ARHGAP15: variants seen among roughly 807,000 people sequenced by gnomAD.
ARHGAP15 encodes rho GTPase-activating protein 15.
In ARHGAP15, 51 loss-of-function variants were observed where a neutral mutation model predicts 63.7. The observed-to-expected ratio is 0.80, with a 90% confidence interval of 0.64 to 1.01. ARHGAP15 has a LOEUF of 1.01. Ranked by LOEUF, ARHGAP15 falls within the 50% of genes least tolerant of loss-of-function variation. The pLI is 0.00. For missense variants in ARHGAP15, 560 were observed against 564.6 expected (o/e 0.99, Z 0.08); for synonymous variants, 191 against 193.8 (o/e 0.99, Z 0.12).
chr2:143,552,185 A>G (rs1017489724), intron 10 of ARHGAP15, among the ~76,000 whole-genome samples: 5 of 152,180 alleles, frequency 3.3e-5, no homozygotes, highest in Admixed American at 6.6e-5. Context: ...CCCAGCCCAC[A>G]TTTGCAGACT....
At chr2:143,565,394 C>T (rs1366251335) in intron 11 of ARHGAP15, among the ~76,000 whole-genome samples, 1 of 152,080 alleles carries the variant, frequency 6.6e-6, no homozygotes, top group Non-Finnish European at 1.5e-5. Flanking sequence ...AAACTTGATT[C>T]ATTTTTGAAT....
At chr2:143,141,832 A>G (rs962421180) in intron 1 of ARHGAP15, among the ~76,000 whole-genome samples, 1 of 152,124 alleles carries the variant, frequency 6.6e-6, no homozygotes, top group South Asian at 2.1e-4. Context: ...CATTCAACCC[A>G]TACATCAGAG....
At chr2:143,762,760 A>G (rs916843779) in intron 13 of ARHGAP15, among the ~76,000 whole-genome samples, 1 of 152,156 alleles carries the variant, frequency 6.6e-6, no homozygotes, top group East Asian at 1.9e-4. Flanking sequence ...CATTGTGAAT[A>G]TCCAAGAAGA....
chr2:143,519,681 C>T (rs1168027956), intron 10 of ARHGAP15, among the ~76,000 whole-genome samples: 1 of 152,118 alleles, frequency 6.6e-6, no homozygotes, highest in Non-Finnish European at 1.5e-5. Context: ...GTGTTAGAAC[C>T]TTCCTAACAT....
chr2:143,139,837 A>T (rs1387949512), intron 1 of ARHGAP15, among the ~76,000 whole-genome samples: 1 of 152,190 alleles, frequency 6.6e-6, no homozygotes, highest in Non-Finnish European at 1.5e-5. Flanking sequence ...CAGAAAAAAT[A>T]AAACTCAACT....
intron 11 of ARHGAP15, among the ~76,000 whole-genome samples, chr2:143,612,043 G>GA (rs1674799752): frequency 6.6e-6 from 1 of 152,122 alleles, no homozygotes; most frequent in Non-Finnish European, 1.5e-5. Flanking sequence ...ATTTCCTACA[G>GA]ATTTATCTTC....
intron 13 of ARHGAP15, among the ~76,000 whole-genome samples, chr2:143,709,638 T>C (rs1249881012): frequency 7.2e-6 from 1 of 139,522 alleles, no homozygotes; most frequent in African/African-American, 2.7e-5. Context: ...CAGAAACTGT[T>C]GAGCTGGGGC....
rs938780987 is a variant in ARHGAP15, at chr2:143,288,445, GA to G, written c.474+37853del. On this transcript the variant is annotated intron_variant, in intron 6 of 13. Coordinates refer to ENST00000295095, the MANE Select transcript of ARHGAP15 (RefSeq NM_018460.4). Reference sequence around the variant, plus strand: ...CTTGAGATTTACTTGATTCAAACTTGAAAAAAAATAGTGTTGCACAATTTTT... The same window carrying G: ...CTTGAGATTTACTTGATTCAAACTTGAAAAAAATAGTGTTGCACAATTTTT... Among the ~76,000 whole-genome samples, 519 of 151,622 alleles carry G rather than the reference GA, an allele frequency of 3.4e-3. 4 individuals carry two copies. Among genetic ancestry groups the G allele is most frequent in the African/African-American group, 0.012 (487 of 41,328 alleles).
At chr2:143,708,759 G>C (rs567551400) in intron 13 of ARHGAP15, among the ~76,000 whole-genome samples, 2 of 152,106 alleles carry the variant, frequency 1.3e-5, no homozygotes, top group African/African-American at 4.8e-5. Flanking sequence ...TCTGTTAGAA[G>C]AGTCTCCCTA....
intron 11 of ARHGAP15, among the ~76,000 whole-genome samples, chr2:143,611,879 A>G (rs1211714271): frequency 6.6e-6 from 1 of 152,128 alleles, no homozygotes; most frequent in African/African-American, 2.4e-5. Flanking sequence ...TACCACCCCT[A>G]TGTTCATTAA....
intron 8 of ARHGAP15, among the ~76,000 whole-genome samples, chr2:143,455,078 C>G (rs542484696): frequency 1.3e-5 from 2 of 151,894 alleles, no homozygotes; most frequent in South Asian, 4.1e-4. Context: ...CAGAGTAAAG[C>G]AAAAGCAAGA....
intron 13 of ARHGAP15, among the ~76,000 whole-genome samples, chr2:143,758,565 C>T (rs74329314): frequency 5.7e-4 from 87 of 152,226 alleles, no homozygotes; most frequent in East Asian, 3.9e-3. Context: ...AGGAAACACA[C>T]GACTGCTTGT....
At chr2:143,134,607 A>C (rs1042933453) in intron 1 of ARHGAP15, among the ~76,000 whole-genome samples, 1 of 151,576 alleles carries the variant, frequency 6.6e-6, no homozygotes, top group African/African-American at 2.4e-5. Context: ...TAGAGATAGC[A>C]TATATGAAAT....
At chr2:143,397,325 T>C (rs1474776303) in intron 6 of ARHGAP15, among the ~76,000 whole-genome samples, 3 of 148,006 alleles carry the variant, frequency 2.0e-5, no homozygotes, top group Non-Finnish European at 3.0e-5. Context: ...TATGTGTGTG[T>C]GTGTGTGTGT....
intron 12 of ARHGAP15, among the ~76,000 whole-genome samples, chr2:143,700,158 A>G (rs1027971421): frequency 3.3e-5 from 5 of 152,194 alleles, no homozygotes; most frequent in African/African-American, 9.6e-5. Flanking sequence ...TGTAAGTAGA[A>G]TATTCTAAAT....
At chr2:143,392,082 C>T (rs190905486) in intron 6 of ARHGAP15, among the ~76,000 whole-genome samples, 2 of 152,302 alleles carry the variant, frequency 1.3e-5, no homozygotes, top group Admixed American at 1.3e-4. Flanking sequence ...CCCACAGAAA[C>T]TTATCATGCT....
chr2:143,199,969 AC>A (rs1476322292), intron 2 of ARHGAP15, among the ~76,000 whole-genome samples: 2 of 152,134 alleles, frequency 1.3e-5, no homozygotes, highest in African/African-American at 4.8e-5. Context: ...CACTTTCCCT[AC>A]CACGTCCAAT....
chr2:143,359,843 A>T (rs568869455), intron 6 of ARHGAP15, among the ~76,000 whole-genome samples: 10 of 152,322 alleles, frequency 6.6e-5, no homozygotes, highest in African/African-American at 2.4e-4. Context: ...TAATGTTTTC[A>T]TGATTTCGGT....
At chr2:143,598,992 G>C (rs528457944) in intron 11 of ARHGAP15, among the ~76,000 whole-genome samples, 1 of 151,536 alleles carries the variant, frequency 6.6e-6, no homozygotes. Context: ...TATGCAACTT[G>C]TCTGTGGGAG....
Sources: gnomAD v4.1 joint callset for allele counts (sites outside exome capture counted in the v4.1 genomes callset) on GRCh38, gnomAD v4.1.1 for gene constraint, MANE v1.5 for transcripts, NCBI Gene and HGNC (gene_info 2026-07-23, HGNC 2026-07-21) for gene names.